Variants in EIF2B3 observed in about 807,000 individuals in gnomAD.
EIF2B3 encodes translation initiation factor eIF2B subunit gamma.
Under a neutral mutation model 54.1 loss-of-function variants are expected in EIF2B3, and 20 were observed. That is an observed-to-expected ratio of 0.37 (90% CI 0.26 to 0.54). The LOEUF (loss-of-function observed/expected upper bound fraction) is 0.54, where lower values mean the gene tolerates loss of function less well. Among genes scored for constraint, EIF2B3 ranks in the 20% least tolerant of loss-of-function variants. The pLI, the probability that EIF2B3 is intolerant of heterozygous loss-of-function variation, is 0.86. For synonymous variants in EIF2B3, 153 were observed against 188.1 expected (o/e 0.81, Z 1.52); for missense variants, 448 against 547.8 (o/e 0.82, Z 1.82).
chr1:44,875,224 C>G (rs1046057354), intron 9 of EIF2B3, among the ~76,000 whole-genome samples: 4 of 152,176 alleles, frequency 2.6e-5, no homozygotes, highest in African/African-American at 7.2e-5. Flanking sequence ...GGGACTGACT[C>G]CTGAAGAAAA....
intron 3 of EIF2B3, among the ~76,000 whole-genome samples, chr1:44,942,324 A>G (rs1300360071): frequency 7.1e-6 from 1 of 140,028 alleles, no homozygotes; most frequent in African/African-American, 2.7e-5. Flanking sequence ...TTAACAAATG[A>G]ATGAATAAAT....
intron 10 of EIF2B3, among the ~76,000 whole-genome samples, chr1:44,869,682 T>C (rs1654901496): frequency 7.4e-6 from 1 of 134,568 alleles, no homozygotes; most frequent in African/African-American, 2.7e-5. Flanking sequence ...CTCACTGCAA[T>C]CTCTGCCTGC....
intron 3 of EIF2B3, among the ~76,000 whole-genome samples, chr1:44,949,186 T>C (rs1326680886): frequency 6.6e-6 from 1 of 152,160 alleles, no homozygotes; most frequent in Non-Finnish European, 1.5e-5. Context: ...GTTAATTTGA[T>C]AGAGTCGACT....
intron 1 of EIF2B3, 32 bp from the exon 2 acceptor site, chr1:44,981,209 A>C: frequency 6.2e-7 from 1 of 1,612,192 alleles, no homozygotes; most frequent in Middle Eastern, 1.6e-4. Flanking sequence ...TTAACAGAAA[A>C]AAAACAATGT....
chr1:44,915,572 C>T lies in EIF2B3; in HGVS notation c.566+11056G>A, dbSNP rs1244519740. On this transcript the variant is annotated intron_variant, in intron 5 of 11. Coordinates refer to ENST00000360403, the MANE Select transcript of EIF2B3 (RefSeq NM_020365.5). Reference sequence around the variant, plus strand: ...AGAGATGAGGTCCTGCTATGTTGCCCAGGCTGCTCTTGAAATCCTGGGCTA... The same window carrying T: ...AGAGATGAGGTCCTGCTATGTTGCCTAGGCTGCTCTTGAAATCCTGGGCTA... 2.0e-5 allele frequency among the ~76,000 whole-genome samples: 3 copies of T among 152,074 alleles called. No individual in the cohort carries two copies. In the East Asian group the frequency reaches 5.8e-4, roughly 30 times the overall value.
intron 1 of EIF2B3, among the ~76,000 whole-genome samples, chr1:44,985,229 A>G (rs890749071): frequency 6.6e-6 from 1 of 152,220 alleles, no homozygotes; most frequent in East Asian, 1.9e-4. Flanking sequence ...CTGCACTGCT[A>G]CTGTTGCTTC....
At chr1:44,926,319 GT>G (rs559666117) in intron 5 of EIF2B3, among the ~76,000 whole-genome samples, 1 of 151,594 alleles carries the variant, frequency 6.6e-6, no homozygotes, top group African/African-American at 2.4e-5. Flanking sequence ...TATGTCATGT[GT>G]TTTTTTTACC....
chr1:44,897,660 G>A (rs1222338808), intron 5 of EIF2B3, among the ~76,000 whole-genome samples: 1 of 151,916 alleles, frequency 6.6e-6, no homozygotes, highest in East Asian at 1.9e-4. Context: ...CATACTTTCT[G>A]AGGCTTTTAC....
chr1:44,926,767 CAAAT>C, intron 4 of EIF2B3, 28 bp from the exon 5 acceptor site: 2 of 1,569,190 alleles, frequency 1.3e-6, no homozygotes, highest in South Asian at 1.1e-5. Flanking sequence ...AAAAAAAAAT[CAAAT>C]AAAGCCATTT....
intron 6 of EIF2B3, among the ~76,000 whole-genome samples, chr1:44,891,067 C>T (rs775745458): frequency 1.4e-4 from 21 of 150,434 alleles, no homozygotes; most frequent in East Asian, 3.9e-4. Context: ...ATCCTTCATA[C>T]GGTAGATGGG....
At chr1:44,906,525 C>T (rs766016024) in intron 5 of EIF2B3, among the ~76,000 whole-genome samples, 25 of 152,166 alleles carry the variant, frequency 1.6e-4, no homozygotes, top group Non-Finnish European at 2.8e-4. Context: ...CTCAGCCTCC[C>T]GAGTAGCTGG....
chr1:44,917,144 A>G (rs926279121), intron 5 of EIF2B3, among the ~76,000 whole-genome samples: 2 of 152,282 alleles, frequency 1.3e-5, no homozygotes, highest in Admixed American at 1.3e-4. Context: ...CTGAAGCTTC[A>G]TAAGTACATT....
At chr1:44,913,790 G>A (rs536821054) in intron 5 of EIF2B3, among the ~76,000 whole-genome samples, 36 of 151,424 alleles carry the variant, frequency 2.4e-4, no homozygotes, top group African/African-American at 8.0e-4. Flanking sequence ...GTGAGCCACC[G>A]CACCCAGCCT....
In EIF2B3 at chr1:44,881,686, A is replaced by G. The variant is rs1183011377; in HGVS notation, c.710T>C (p.Phe237Ser). 6.2e-7 allele frequency: 1 copy of G among 1,614,188 alleles called. No individual in the cohort carries two copies. Among genetic ancestry groups the G allele is most frequent in the South Asian group, 1.1e-5 (1 of 91,084 alleles). ...TCCCTGTTGTGAGGAAGCTGAGGAAAACTGTTTTCTCACTAAATATGGAAT... is the reference window on the plus strand; with the variant it reads ...TCCCTGTTGTGAGGAAGCTGAGGAAGACTGTTTTCTCACTAAATATGGAAT... ...ELIPYLVRKQFSSASSQQGQE... is the reference protein window; with the variant it reads ...ELIPYLVRKQSSSASSQQGQE... The change falls in exon 7 of 12, where the codon TTT (phenylalanine) becomes TCT (serine). Residue 237 changes from phenylalanine (F) to serine (S), a missense_variant. By Grantham distance (155) the Phe-to-Ser change is radical. Coordinates refer to ENST00000360403, the MANE Select transcript of EIF2B3 (RefSeq NM_020365.5). The surrounding 1 kb of genome is among the most constrained non-coding windows in gnomAD (Gnocchi z 4.0).
At chr1:44,893,970 T>C (rs1655885470) in intron 6 of EIF2B3, among the ~76,000 whole-genome samples, 1 of 152,212 alleles carries the variant, frequency 6.6e-6, no homozygotes, top group Non-Finnish European at 1.5e-5. Context: ...CATATTGGCA[T>C]ATTGCTTGAG....
intron 5 of EIF2B3, among the ~76,000 whole-genome samples, chr1:44,909,166 G>A (rs1013228608): frequency 1.3e-5 from 2 of 151,832 alleles, no homozygotes; most frequent in Admixed American, 6.6e-5. Flanking sequence ...AGAGAGAGAG[G>A]GAGAGAAAAA....
chr1:44,958,639 G>A, intron 3 of EIF2B3: 1 of 1,570,824 alleles, frequency 6.4e-7, no homozygotes. Flanking sequence ...GTCACTGCCT[G>A]CTCTCACATA....
chr1:44,913,479 G>A (rs1035719967), intron 5 of EIF2B3, among the ~76,000 whole-genome samples: 2 of 150,662 alleles, frequency 1.3e-5, no homozygotes, highest in African/African-American at 4.9e-5. Flanking sequence ...CCAGTTAGAT[G>A]GCCCTGTTGC....
intron 10 of EIF2B3, among the ~76,000 whole-genome samples, chr1:44,865,977 T>C (rs1654766874): frequency 1.3e-5 from 2 of 152,188 alleles, no homozygotes; most frequent in African/African-American, 4.8e-5. Flanking sequence ...TAACAGATAT[T>C]TAGCCAGTTA....
Sources: allele counts gnomAD v4.1 joint callset (sites outside exome capture counted in the v4.1 genomes callset), GRCh38; gene constraint gnomAD v4.1.1; non-coding constraint Gnocchi (gnomAD v3.1); transcripts MANE v1.5; gene names NCBI Gene and HGNC (gene_info 2026-07-23, HGNC 2026-07-21).